Variants in DHRS3 observed in about 807,000 individuals in gnomAD.
DHRS3 encodes the protein short-chain dehydrogenase/reductase 3.
Under a neutral mutation model 27.2 loss-of-function variants are expected in DHRS3, and 14 were observed. That is an observed-to-expected ratio of 0.52 (90% confidence interval 0.34 to 0.81). The LOEUF (loss-of-function observed/expected upper bound fraction) is 0.81, where lower values mean the gene tolerates loss of function less well. Ranked by LOEUF, DHRS3 falls within the 30% of genes least tolerant of loss-of-function variation. DHRS3 has a pLI of 0.01. For synonymous variants in DHRS3, 165 were observed against 175.9 expected (o/e 0.94, Z 0.49); for missense variants, 322 against 406.2 (o/e 0.79, Z 1.78).
intron 1 of DHRS3, among the ~76,000 whole-genome samples, chr1:12,588,760 A>T (rs1646720306): frequency 1.3e-5 from 2 of 152,178 alleles, no homozygotes; most frequent in African/African-American, 4.8e-5. Context: ...TCATTCCTGG[A>T]GTTCAGCTGC....
In DHRS3 at chr1:12,568,206, C is replaced by A; in HGVS notation, c.*134G>T. ...GTCCTGGGACTGGCCCAGGGGCAGC[C>A]GGATTCTTCGCTGGGGACAGGAGCT... On this transcript the variant is annotated 3_prime_UTR_variant, in exon 6 of 6. Coordinates refer to ENST00000616661, the MANE Select transcript of DHRS3 (RefSeq NM_004753.7). The A allele has an allele frequency of 1.2e-6, 1 of 849,002 alleles. No homozygotes were observed. The highest frequency in any genetic ancestry group is 1.9e-6 in the Non-Finnish European group (1 of 515,732). The allele number at this position is 849,002 out of a possible 1,614,324, so 52.6% of individuals were successfully genotyped here.
At chr1:12,616,306 G>T (rs557295602) in intron 1 of DHRS3, among the ~76,000 whole-genome samples, 2 of 152,134 alleles carry the variant, frequency 1.3e-5, no homozygotes, top group Non-Finnish European at 1.5e-5. Flanking sequence ...TCTGGTCACC[G>T]CGTGAGTCAG....
At chr1:12,610,616 C>G (rs538883573) in intron 1 of DHRS3, among the ~76,000 whole-genome samples, 1 of 152,294 alleles carries the variant, frequency 6.6e-6, no homozygotes, top group Non-Finnish European at 1.5e-5. Context: ...TGTTGAGAAT[C>G]TAGGCATGTG....
intron 5 of DHRS3, among the ~76,000 whole-genome samples, chr1:12,569,706 C>T (rs966081173): frequency 8.5e-5 from 13 of 152,154 alleles, no homozygotes; most frequent in African/African-American, 2.9e-4. Flanking sequence ...GCTGGAATTA[C>T]AGGCATGCGC....
At chr1:12,581,875 G>A (rs147779468) in intron 1 of DHRS3, among the ~76,000 whole-genome samples, 2 of 152,290 alleles carry the variant, frequency 1.3e-5, no homozygotes, top group Non-Finnish European at 2.9e-5. Context: ...TTGGGAATTC[G>A]TCCGGTGGGC....
intron 1 of DHRS3, among the ~76,000 whole-genome samples, chr1:12,614,221 G>A (rs768983556): frequency 6.6e-6 from 1 of 152,104 alleles, no homozygotes; most frequent in East Asian, 1.9e-4. Context: ...CTAAATGAAC[G>A]GTCCACTTCT....
At chr1:12,590,761 C>A (rs1486177410) in intron 1 of DHRS3, among the ~76,000 whole-genome samples, 1 of 152,208 alleles carries the variant, frequency 6.6e-6, no homozygotes, top group African/African-American at 2.4e-5. Flanking sequence ...CTAGCTGTCA[C>A]CCATTGAGAG....
chr1:12,570,487 G>T (rs2100639268), intron 5 of DHRS3, among the ~76,000 whole-genome samples: 1 of 152,304 alleles, frequency 6.6e-6, no homozygotes, highest in African/African-American at 2.4e-5. Context: ...AAGGCTTCCT[G>T]GGGGTGGTGG....
intron 4 of DHRS3, among the ~76,000 whole-genome samples, chr1:12,575,643 G>A (rs541984822): frequency 7.2e-5 from 11 of 152,238 alleles, no homozygotes; most frequent in Middle Eastern, 3.4e-3. Flanking sequence ...CTTGCCAGGC[G>A]TGGCCAGATG....
intron 1 of DHRS3, among the ~76,000 whole-genome samples, chr1:12,605,058 C>T (rs78261525): frequency 0.17 from 22,237 of 132,358 alleles, 1,816 homozygotes; most frequent in East Asian, 0.27. Context: ...CCAGCCTGCG[C>T]GACTGGCAAA....
intron 5 of DHRS3, among the ~76,000 whole-genome samples, chr1:12,569,525 A>ACAATC (rs1191854335): frequency 7.2e-5 from 11 of 152,102 alleles, no homozygotes; most frequent in Non-Finnish European, 1.5e-4. Context: ...TGTGTTACAA[A>ACAATC]CAATCCAACT....
intron 1 of DHRS3, among the ~76,000 whole-genome samples, chr1:12,589,204 T>TTTCC (rs1273994507): frequency 6.6e-6 from 1 of 152,146 alleles, no homozygotes; most frequent in Non-Finnish European, 1.5e-5. Context: ...ACTACTAGAA[T>TTTCC]TTCCCCCTTT....
At chr1:12,609,515 G>A (rs1272426933) in intron 1 of DHRS3, among the ~76,000 whole-genome samples, 1 of 152,164 alleles carries the variant, frequency 6.6e-6, no homozygotes, top group East Asian at 1.9e-4. Flanking sequence ...GATATCAGAG[G>A]AGGCCCTCAG....
chr1:12,568,891 C>T (rs1646508148), intron 5 of DHRS3, among the ~76,000 whole-genome samples: 1 of 152,128 alleles, frequency 6.6e-6, no homozygotes, highest in South Asian at 2.1e-4. Flanking sequence ...TGTACCGCTG[C>T]ATTCCAGCCT....
At chr1:12,582,714 T>TC (rs2100667050) in intron 1 of DHRS3, among the ~76,000 whole-genome samples, 1 of 152,050 alleles carries the variant, frequency 6.6e-6, no homozygotes, top group East Asian at 1.9e-4. Flanking sequence ...CCTTTATTCC[T>TC]CCCTTATCAT....
rs1256528991 is a variant in DHRS3, at chr1:12,592,204, T to C, written c.196-11538A>G. Among the ~76,000 whole-genome samples, 6 of 152,340 alleles carry C rather than the reference T, an allele frequency of 3.9e-5. No individual in the cohort carries two copies. The highest frequency in any genetic ancestry group is 1.3e-4 in the Admixed American group (2 of 15,304). ...GCAGGCTGGATCCTGCTCTGGGCTC[T>C]TAGACTGAATCCTCTCGGCTGCCCG... On this transcript the variant is annotated intron_variant, in intron 1 of 5. Transcript: ENST00000616661. This position sits in a 1 kb window ranked among gnomAD's most constrained non-coding sequence, Gnocchi z 4.2.
intron 3 of DHRS3, 104 bp from the exon 4 acceptor site, chr1:12,579,060 G>A (rs1193169725): frequency 1.6e-6 from 2 of 1,272,740 alleles, no homozygotes; most frequent in Non-Finnish European, 2.2e-6. Context: ...TGATGCTCTA[G>A]GGCCCGAGCC....
At chr1:12,616,836 G>GC in intron 1 of DHRS3, 1 of 1,011,364 alleles carries the variant, frequency 9.9e-7, no homozygotes, top group Non-Finnish European at 1.3e-6. Flanking sequence ...GGCGGGGGAG[G>GC]GGGGCACAAC....
intron 1 of DHRS3, among the ~76,000 whole-genome samples, chr1:12,612,326 T>C (rs564738136): frequency 3.3e-5 from 5 of 152,312 alleles, no homozygotes; most frequent in Admixed American, 3.3e-4. Context: ...TCTTTTTTTC[T>C]ATTCTCACCA....
Sources: allele counts gnomAD v4.1 joint callset (sites outside exome capture counted in the v4.1 genomes callset), GRCh38; gene constraint gnomAD v4.1.1; non-coding constraint Gnocchi (gnomAD v3.1); transcripts MANE v1.5; gene names NCBI Gene and HGNC (gene_info 2026-07-23, HGNC 2026-07-21).